Variants in P2RX4 observed in about 807,000 individuals in gnomAD.
P2RX4 encodes the protein P2X purinoceptor 4.
A neutral mutation model predicts 48.0 loss-of-function variants in P2RX4; 37 were observed. The ratio of observed to expected loss-of-function variants is 0.77; its 90% CI spans 0.59 to 1.01. P2RX4 has a LOEUF of 1.01. P2RX4 is among the 50% of genes least tolerant of loss of function. The pLI, the probability that P2RX4 is intolerant of heterozygous loss-of-function variation, is 0.00. For missense variants in P2RX4, 501 were observed against 521.4 expected (o/e 0.96, Z 0.38); for synonymous variants, 200 against 199.7 (o/e 1.00, Z -0.01).
In P2RX4 at chr12:121,232,328, T is replaced by G; in HGVS notation, c.885-86T>G. 1.1e-6 allele frequency: 1 copy of G among 937,284 alleles called. No individual in the cohort carries two copies. The highest frequency in any genetic ancestry group is 1.7e-6 in the Non-Finnish European group (1 of 576,912). The allele number at this position is 937,284 out of a possible 1,614,324, so 58.1% of individuals were successfully genotyped here. ...CAGCCGGCAGAGTGGACCATTCACC[T>G]GTGCCAGCTCCACTCTAACGTTCTC... On this transcript the variant is annotated intron_variant, in intron 8 of 11. Coordinates refer to ENST00000337233, the MANE Select transcript of P2RX4 (RefSeq NM_002560.3). The surrounding 1 kb of genome is among the most constrained non-coding windows in gnomAD (Gnocchi z 4.3).
intron 5 of P2RX4, among the ~76,000 whole-genome samples, chr12:121,225,407 A>G (rs1433631206): frequency 6.9e-6 from 1 of 145,242 alleles, no homozygotes; most frequent in Non-Finnish European, 1.5e-5. Flanking sequence ...TTTTTTATTT[A>G]TTTGTATTTA....
chr12:121,232,581 C>T lies in P2RX4; in HGVS notation c.979-30C>T. On this transcript the variant is annotated intron_variant, in intron 9 of 11. Transcript: ENST00000337233. This position sits in a 1 kb window ranked among gnomAD's most constrained non-coding sequence, Gnocchi z 4.3. ...GGGCCTCTCCCTGCCCCTGCAGAAA[C>T]ACTTTTTTTCTTTTTCGGTGTCTTG... 1 of 1,611,836 alleles carries T rather than the reference C, an allele frequency of 6.2e-7. No individual in the cohort carries two copies. The highest frequency in any genetic ancestry group is 8.5e-7 in the Non-Finnish European group (1 of 1,177,844).
At chr12:121,230,388 G>A (rs1456656623) in intron 8 of P2RX4, among the ~76,000 whole-genome samples, 2 of 151,852 alleles carry the variant, frequency 1.3e-5, no homozygotes, top group Non-Finnish European at 1.5e-5. Flanking sequence ...GTCTCAGGGG[G>A]AAAAAAAAGA....
In P2RX4 at chr12:121,217,209, C is replaced by T. The variant is rs1160649171; in HGVS notation, c.210C>T (p.Gly70=). Residue 70 remains glycine, a synonymous_variant, in exon 2 of 12, where the codon GGC becomes GGT. Coordinates refer to ENST00000337233, the MANE Select transcript of P2RX4 (RefSeq NM_002560.3). ...VVSSVTTKVK[G]VAVTNTSKLG... is the part of the protein sequence containing the mutation. ...GCTCCGTTACGACCAAGGTCAAGGG[C>T]GTGGCTGTGACCAACACTTCTAAAC... is the stretch of plus-strand genomic sequence containing the variant. The T allele has an allele frequency of 1.3e-5, 21 of 1,614,082 alleles. No homozygotes were observed. The highest frequency in any genetic ancestry group is 2.7e-5 in the African/African-American group (2 of 74,940).
chr12:121,222,962 G>C lies in P2RX4; in HGVS notation c.443G>C (p.Arg148Thr). 6.2e-7 allele frequency: 1 copy of C among 1,612,854 alleles called. No homozygotes were observed. The highest frequency in any genetic ancestry group is 8.5e-7 in the Non-Finnish European group (1 of 1,178,904). Residue 148 changes from arginine (R) to threonine (T), a missense_variant, in exon 5 of 12, where the codon AGG becomes ACG. Arg to Thr is a moderately conservative substitution (Grantham distance 71). Transcript: ENST00000337233. Reference sequence around the variant, plus strand: ...GTGCTTGTAGGAGTCTCAACAGGCAGGTGCGTAGCTTTCAACGGGTCTGTC... The same window carrying C: ...GTGCTTGTAGGAGTCTCAACAGGCACGTGCGTAGCTTTCAACGGGTCTGTC... The part of the protein sequence containing the change: ...GTHSNGVSTG[R>T]CVAFNGSVKT...
At chr12:121,216,973 G>T in intron 1 of P2RX4, 161 bp from the exon 2 acceptor site, 1 of 758,256 alleles carries the variant, frequency 1.3e-6, no homozygotes. Flanking sequence ...ATCCCCATTT[G>T]GCAGAAGTGG....
At chr12:121,222,071 C>G in intron 3 of P2RX4, 23 bp from the exon 4 acceptor site, 1 of 1,611,618 alleles carries the variant, frequency 6.2e-7, no homozygotes, top group Non-Finnish European at 8.5e-7. Flanking sequence ...CGTGGACTTT[C>G]TTTTCGCTCC....
intron 5 of P2RX4, among the ~76,000 whole-genome samples, chr12:121,227,922 CAAAAAAA>C (rs935103629): frequency 1.4e-5 from 1 of 71,622 alleles, no homozygotes; most frequent in Non-Finnish European, 3.0e-5. Flanking sequence ...TTCATGTCTA[CAAAAAAA>C]AAAAAAAAAA....
At chr12:121,219,631 A>G (rs374678209) in intron 2 of P2RX4, among the ~76,000 whole-genome samples, 135 of 97,634 alleles carry the variant, frequency 1.4e-3, no homozygotes, top group African/African-American at 3.7e-3. Flanking sequence ...ATAGATAGAT[A>G]GATAGATAGA....
chr12:121,233,640 T>C lies in P2RX4; in HGVS notation c.*91T>C. On this transcript the variant is annotated 3_prime_UTR_variant, in exon 12 of 12. Coordinates refer to ENST00000337233, the MANE Select transcript of P2RX4 (RefSeq NM_002560.3). Reference sequence around the variant, plus strand: ...TGGCCACCACATCACCCCAGAGAAATTTCTGGAATCTGATTGAGTCTCCAC... The same window carrying C: ...TGGCCACCACATCACCCCAGAGAAACTTCTGGAATCTGATTGAGTCTCCAC... 6.4e-7 allele frequency: 1 copy of C among 1,555,078 alleles called. No homozygotes were observed. The highest frequency in any genetic ancestry group is 1.2e-5 in the South Asian group (1 of 84,546).
intron 6 of P2RX4, 35 bp from the exon 7 acceptor site, chr12:121,228,690 C>T: frequency 3.7e-6 from 6 of 1,613,648 alleles, no homozygotes; most frequent in African/African-American, 1.3e-5. Flanking sequence ...CTGAGGTTTT[C>T]GTCGCTCTGA....
intron 1 of P2RX4, chr12:121,212,814 A>ATTTTTTTTTTTTTTTT (rs1187859501): frequency 3.2e-5 from 1 of 31,472 alleles, no homozygotes; most frequent in African/African-American, 1.4e-4. Flanking sequence ...ATATATATAT[A>ATTTTTTTTTTTTTTTT]TATATATATA....
At chr12:121,219,659 G>A (rs1439277626) in intron 2 of P2RX4, among the ~76,000 whole-genome samples, 2 of 137,936 alleles carry the variant, frequency 1.4e-5, no homozygotes, top group South Asian at 2.3e-4. Flanking sequence ...ATAGATAGAT[G>A]GAAAGAAAGA....
At chr12:121,217,028 A>T in intron 1 of P2RX4, 106 bp from the exon 2 acceptor site, 1 of 1,119,986 alleles carries the variant, frequency 8.9e-7, no homozygotes, top group Non-Finnish European at 1.4e-6. Flanking sequence ...AAAGTCATGT[A>T]ATTAGTCAAC....
chr12:121,220,027 TA>T (rs1886498947), intron 2 of P2RX4, among the ~76,000 whole-genome samples: 1 of 152,198 alleles, frequency 6.6e-6, no homozygotes, highest in African/African-American at 2.4e-5. Flanking sequence ...CCAGAAACTC[TA>T]AATCAATTAT....
chr12:121,219,693 GGAGAAAGAAA>G (rs1392097441), intron 2 of P2RX4, among the ~76,000 whole-genome samples: 1 of 151,556 alleles, frequency 6.6e-6, no homozygotes, highest in African/African-American at 2.4e-5. Flanking sequence ...TGATAGGATA[GGAGAAAGAAA>G]GGGAAAGAAA....
rs763415994 is a variant in P2RX4, at chr12:121,210,313, G to A, written c.134+15G>A. 10 of 1,500,616 alleles carry A rather than the reference G, an allele frequency of 6.7e-6. No homozygotes were observed. The highest frequency in any genetic ancestry group is 1.5e-5 in the African/African-American group (1 of 68,930). The allele number at this position is 1,500,616 out of a possible 1,614,324, so 93.0% of individuals were successfully genotyped here. A position where few individuals can be genotyped will look rare whatever the true frequency, so the allele number is the denominator to read the frequency against. ...TACGTCATCGGGTGAGCGTGGGGCC[G>A]CGCGGGGGGCGCGGCGGGTGCTGCC... On this transcript the variant is annotated intron_variant, in intron 1 of 11. Transcript: ENST00000337233.
intron 5 of P2RX4, among the ~76,000 whole-genome samples, chr12:121,225,719 T>C (rs1438496077): frequency 6.6e-6 from 1 of 151,908 alleles, no homozygotes; most frequent in Admixed American, 6.6e-5. Flanking sequence ...CCCTGAATAT[T>C]TATTATGAAA....
At position 121,229,221 on chromosome 12, in the gene P2RX4, C is replaced by A; in HGVS notation, c.884+122C>A. 8.0e-7 allele frequency: 1 copy of A among 1,254,410 alleles called. No individual in the cohort carries two copies. The highest frequency in any genetic ancestry group is 1.1e-6 in the Non-Finnish European group (1 of 873,276). 77.7% of individuals were successfully genotyped at this position (1,254,410 alleles called of 1,614,324 possible). A position where few individuals can be genotyped will look rare whatever the true frequency, so the allele number is the denominator to read the frequency against. On this transcript the variant is annotated intron_variant, in intron 8 of 11. Coordinates refer to ENST00000337233, the MANE Select transcript of P2RX4 (RefSeq NM_002560.3). The surrounding 1 kb of genome is among the most constrained non-coding windows in gnomAD (Gnocchi z 4.6). Reference sequence around the variant, plus strand: ...GCACCCCAAGGGCAGGCTGCCGGTCCCCCGTCCAAGGCGGCGGGAAGGCCA... The same window carrying A: ...GCACCCCAAGGGCAGGCTGCCGGTCACCCGTCCAAGGCGGCGGGAAGGCCA...
Sources: allele counts gnomAD v4.1 joint callset (sites outside exome capture counted in the v4.1 genomes callset), GRCh38; gene constraint gnomAD v4.1.1; non-coding constraint Gnocchi (gnomAD v3.1); transcripts MANE v1.5; gene names NCBI Gene and HGNC (gene_info 2026-07-23, HGNC 2026-07-21).